FOXP2: variants seen among roughly 807,000 people sequenced by gnomAD.
FOXP2 encodes the protein forkhead box protein P2.
FOXP2 carries 12 observed loss-of-function variants against 115.8 expected under a neutral mutation model. The ratio of observed to expected loss-of-function variants is 0.10; its 90% CI spans 0.07 to 0.17. The LOEUF is 0.17. Ranked by LOEUF, FOXP2 falls within the 10% of genes least tolerant of loss-of-function variation. FOXP2 has a pLI of 1.00. For synonymous variants in FOXP2, 328 were observed against 297.7 expected (o/e 1.10, Z -1.05); for missense variants, 629 against 843.5 (o/e 0.75, Z 3.15).
intron 2 of FOXP2, among the ~76,000 whole-genome samples, chr7:114,394,579 A>C (rs1792694288): frequency 6.6e-6 from 1 of 152,198 alleles, no homozygotes; most frequent in African/African-American, 2.4e-5. Flanking sequence ...CACTTTAATC[A>C]AGTGATCAAA....
chr7:114,296,931 A>G (rs1208207020), intron 2 of FOXP2, among the ~76,000 whole-genome samples: 1 of 152,172 alleles, frequency 6.6e-6, no homozygotes, highest in East Asian at 1.9e-4. Flanking sequence ...CAAATTTAAG[A>G]TAATTTCTAT....
At chr7:114,226,105 G>T (rs1451338050) in intron 1 of FOXP2, among the ~76,000 whole-genome samples, 1 of 152,118 alleles carries the variant, frequency 6.6e-6, no homozygotes, top group Non-Finnish European at 1.5e-5. Context: ...TCTAAAAGAG[G>T]TTAAAAAGCT....
rs113775917 is a variant in FOXP2, at chr7:114,166,661, C to T, written c.-102+3573C>T. The stretch of plus-strand genomic sequence containing the variant: ...CAGAGGTTGCAATGAACCAAGATTG[C>T]GCCACTGCACTCCCGCCTGGGTGAC... On this transcript the variant is annotated intron_variant, in intron 1 of 17. Transcript: ENST00000634411. Among the ~76,000 whole-genome samples, 1,460 of 152,098 alleles carry T rather than the reference C, an allele frequency of 9.6e-3. 31 individuals are homozygous for T. The highest frequency in any genetic ancestry group is 0.033 in the African/African-American group (1,381 of 41,480).
chr7:114,523,878 AC>A (rs1798743205), intron 2 of FOXP2, among the ~76,000 whole-genome samples: 2 of 152,138 alleles, frequency 1.3e-5, no homozygotes, highest in African/African-American at 4.8e-5. Context: ...GGACTAAAAA[AC>A]ATTTCCACTG....
At chr7:114,183,915 T>A (rs577936161) in intron 1 of FOXP2, among the ~76,000 whole-genome samples, 1 of 152,304 alleles carries the variant, frequency 6.6e-6, no homozygotes, top group South Asian at 2.1e-4. Flanking sequence ...TAGCCTGTCA[T>A]AATCAGTTGC....
At chr7:114,228,734 GA>G (rs1171046272) in intron 1 of FOXP2, among the ~76,000 whole-genome samples, 1 of 151,486 alleles carries the variant, frequency 6.6e-6, no homozygotes, top group Non-Finnish European at 1.5e-5. Context: ...TAACCATGAT[GA>G]AAATACCTAT....
At chr7:114,468,641 A>G (rs1005712596) in intron 2 of FOXP2, among the ~76,000 whole-genome samples, 1 of 152,040 alleles carries the variant, frequency 6.6e-6, no homozygotes, top group African/African-American at 2.4e-5. Context: ...TTAAATCTCA[A>G]TCATTCCCTC....
chr7:114,383,927 T>G (rs1792375742), intron 2 of FOXP2, among the ~76,000 whole-genome samples: 1 of 152,196 alleles, frequency 6.6e-6, no homozygotes, highest in Admixed American at 6.5e-5. Context: ...CTTATCAGAT[T>G]AGTGATGCTC....
chr7:114,691,894 T>G lies in FOXP2; in HGVS notation c.*1968T>G, dbSNP rs1349544159. The G allele has an allele frequency of 8.9e-6, 4 of 449,610 alleles. No individual in the cohort carries two copies. The highest frequency in any genetic ancestry group is 1.8e-5 in the Non-Finnish European group (4 of 226,020). The allele number at this position is 449,610 out of a possible 1,614,324, so 27.9% of individuals were successfully genotyped here. ...ACGGCTTTCAAAAGGGTTTTCCCACTTACCCAAAAGGCTTTCTGAAAGCTT... is the reference window on the plus strand; with the variant it reads ...ACGGCTTTCAAAAGGGTTTTCCCACGTACCCAAAAGGCTTTCTGAAAGCTT... On this transcript the variant is annotated 3_prime_UTR_variant, in exon 17 of 17. Coordinates refer to ENST00000350908, the MANE Select transcript of FOXP2 (RefSeq NM_014491.4).
At chr7:114,145,179 T>C (rs1296787151) in intron 1 of FOXP2, among the ~76,000 whole-genome samples, 1 of 152,190 alleles carries the variant, frequency 6.6e-6, no homozygotes, top group Non-Finnish European at 1.5e-5. Context: ...AATAATAATA[T>C]GTGCTCTTAC....
intron 16 of FOXP2, among the ~76,000 whole-genome samples, chr7:114,671,883 T>C (rs1807503751): frequency 6.6e-6 from 1 of 152,200 alleles, no homozygotes; most frequent in Non-Finnish European, 1.5e-5. Flanking sequence ...TATGTTAAAA[T>C]TATGTGCATT....
chr7:114,208,208 G>A (rs1794249387), intron 1 of FOXP2, among the ~76,000 whole-genome samples: 1 of 152,152 alleles, frequency 6.6e-6, no homozygotes, highest in Non-Finnish European at 1.5e-5. Flanking sequence ...GGAACCCACC[G>A]CTTTCATCAG....
intron 2 of FOXP2, among the ~76,000 whole-genome samples, chr7:114,490,854 C>A (rs538385899): frequency 6.6e-6 from 1 of 152,260 alleles, no homozygotes; most frequent in East Asian, 1.9e-4. Context: ...TTTATGGCTG[C>A]ATAGTATTCC....
chr7:114,380,825 A>G (rs1441285056), intron 2 of FOXP2, among the ~76,000 whole-genome samples: 1 of 152,246 alleles, frequency 6.6e-6, no homozygotes. Flanking sequence ...CCTGTAAACA[A>G]TGAGGCCAAC....
At chr7:114,498,451 A>G (rs1797420895) in intron 2 of FOXP2, among the ~76,000 whole-genome samples, 1 of 152,192 alleles carries the variant, frequency 6.6e-6, no homozygotes, top group Non-Finnish European at 1.5e-5. Context: ...ATATATATGG[A>G]AAAAGTAAAT....
At chr7:114,544,848 G>A (rs1799839887) in intron 3 of FOXP2, among the ~76,000 whole-genome samples, 1 of 152,112 alleles carries the variant, frequency 6.6e-6, no homozygotes. Context: ...GCCATCATTT[G>A]AAGTTTTCCT....
At chr7:114,662,243 A>G (rs879604150) in intron 14 of FOXP2, 57 bp downstream of exon 14, 27 of 1,607,356 alleles carry the variant, frequency 1.7e-5, no homozygotes, top group Non-Finnish European at 2.2e-5. Flanking sequence ...AAAAGTAAAT[A>G]CTTTAAGTTG....
chr7:114,313,217 A>G (rs1416076905), intron 2 of FOXP2, among the ~76,000 whole-genome samples: 1 of 152,222 alleles, frequency 6.6e-6, no homozygotes, highest in Non-Finnish European at 1.5e-5. Context: ...ACCACTATGA[A>G]CATAAGTTTA....
intron 2 of FOXP2, among the ~76,000 whole-genome samples, chr7:114,346,277 C>A (rs965656872): frequency 6.6e-6 from 1 of 151,704 alleles, no homozygotes; most frequent in Non-Finnish European, 1.5e-5. Flanking sequence ...ATCATCATAT[C>A]AAGGAGATAT....
Sources: gnomAD v4.1 joint callset for allele counts (sites outside exome capture counted in the v4.1 genomes callset) on GRCh38, gnomAD v4.1.1 for gene constraint, MANE v1.5 for transcripts, NCBI Gene and HGNC (gene_info 2026-07-23, HGNC 2026-07-21) for gene names.